The following DHRSX variants were observed in gnomAD, a reference collection of about 807,000 sequenced individuals.
DHRSX encodes dehydrogenase/reductase X-linked, also known as polyprenol dehydrogenase.
Under a neutral mutation model 34.0 loss-of-function variants are expected in DHRSX, and 31 were observed. The ratio of observed to expected loss-of-function variants is 0.91; its 90% CI spans 0.69 to 1.23. The LOEUF (loss-of-function observed/expected upper bound fraction) is 1.23, where lower values mean the gene tolerates loss of function less well. Among genes scored for constraint, DHRSX ranks in the 50% most tolerant of loss-of-function variants. The probability of loss-of-function intolerance (pLI) is 0.00; values close to 1 mark genes in which losing one functional copy is unlikely to be tolerated. For missense variants in DHRSX, 414 were observed against 428.1 expected, an observed-to-expected ratio of 0.97 and a Z score of 0.29; for synonymous variants, 201 against 183.8, an observed-to-expected ratio of 1.09 and a Z score of -0.76.
At chrX:2,449,186 T>C (rs1260184078) in intron 1 of DHRSX, among the ~76,000 whole-genome samples, 1 of 85,958 alleles carries the variant, frequency 1.2e-5, no homozygotes, top group East Asian at 2.2e-4. Context: ...TAAAACTCTG[T>C]CTCAAAAAAA....
intron 6 of DHRSX, among the ~76,000 whole-genome samples, chrX:2,231,516 C>A (rs2124409496): frequency 6.7e-6 from 1 of 149,210 alleles, no homozygotes; most frequent in East Asian, 2.0e-4. Context: ...CCTTCTCTTT[C>A]CCCCTTATCC....
intron 1 of DHRSX, chrX:2,487,340 CAT>C (rs2044967794): frequency 6.6e-6 from 1 of 151,986 alleles, no homozygotes; most frequent in Non-Finnish European, 1.5e-5. Flanking sequence ...ACACCGAAGA[CAT>C]AACCTCCGGA....
chrX:2,319,893 A>T (rs1256616896), intron 3 of DHRSX, among the ~76,000 whole-genome samples: 5 of 151,856 alleles, frequency 3.3e-5, no homozygotes, highest in African/African-American at 1.2e-4. Context: ...CGATGGCGTG[A>T]TCTCAGCTCA....
rs1442860758 is a variant in DHRSX, at chrX:2,255,930, A to G, written c.596+10810T>C. 1.3e-5 allele frequency among the ~76,000 whole-genome samples: 2 copies of G among 152,094 alleles called. 1 individual carries two copies. Among genetic ancestry groups the G allele is most frequent in the Non-Finnish European group, 2.9e-5 (2 of 68,020 alleles). ...AAAGCGAAACTCTGTCTCAAATAAA[A>G]TAAAATAAAACAAAACAAATTTAAG... On this transcript the variant is annotated intron_variant, in intron 5 of 6. Coordinates refer to ENST00000334651, the MANE Select transcript of DHRSX (RefSeq NM_145177.3).
intron 1 of DHRSX, among the ~76,000 whole-genome samples, chrX:2,456,873 G>C (rs753653763): frequency 1.3e-5 from 2 of 152,222 alleles, no homozygotes; most frequent in Non-Finnish European, 2.9e-5. Context: ...GTTCCAGAAA[G>C]CAAATGAAAC....
At chrX:2,394,350 C>A (rs1412136155) in intron 3 of DHRSX, among the ~76,000 whole-genome samples, 2 of 152,194 alleles carry the variant, frequency 1.3e-5, no homozygotes, top group African/African-American at 4.8e-5. Flanking sequence ...ATCGGCCCCA[C>A]CCACATGCTG....
chrX:2,345,676 C>A (rs762502751), intron 3 of DHRSX, among the ~76,000 whole-genome samples: 1 of 138,028 alleles, frequency 7.2e-6, no homozygotes, highest in Non-Finnish European at 1.5e-5. Context: ...AAAAAAAAAT[C>A]TAAATCAGTA....
At chrX:2,258,974 C>T (rs908148242) in intron 5 of DHRSX, among the ~76,000 whole-genome samples, 2 of 151,964 alleles carry the variant, frequency 1.3e-5, no homozygotes, top group Non-Finnish European at 1.5e-5. Context: ...TTGTAAGTCT[C>T]GAAAAAATAG....
chrX:2,442,621 A>G (rs749743926), intron 1 of DHRSX, among the ~76,000 whole-genome samples: 2 of 151,940 alleles, frequency 1.3e-5, no homozygotes, highest in Admixed American at 6.6e-5. Context: ...TACCCTTCCC[A>G]GTGCCACAGG....
At chrX:2,330,098 GAGGGA>G (rs2042442228) in intron 3 of DHRSX, among the ~76,000 whole-genome samples, 1 of 24,182 alleles carries the variant, frequency 4.1e-5, no homozygotes, top group Non-Finnish European at 7.8e-5. Context: ...GGGGGGGAGG[GAGGGA>G]GAGAGAGAGA....
intron 6 of DHRSX, among the ~76,000 whole-genome samples, chrX:2,224,533 G>A (rs757720206): frequency 1.3e-5 from 2 of 152,284 alleles, no homozygotes; most frequent in Admixed American, 6.5e-5. Flanking sequence ...TGCTGAAAAT[G>A]TAGGTATTTC....
intron 3 of DHRSX, among the ~76,000 whole-genome samples, chrX:2,353,722 T>C (rs1030648003): frequency 1.7e-4 from 26 of 150,900 alleles, no homozygotes; most frequent in Admixed American, 2.7e-4. Flanking sequence ...TAGGTGGGAC[T>C]ACAGGCATGC....
chrX:2,313,871 T>C (rs1446203497), intron 3 of DHRSX, among the ~76,000 whole-genome samples: 1 of 151,926 alleles, frequency 6.6e-6, no homozygotes, highest in Non-Finnish European at 1.5e-5. Flanking sequence ...CAGAAATACA[T>C]TGGTTTGGTT....
intron 5 of DHRSX, among the ~76,000 whole-genome samples, chrX:2,264,761 C>A (rs922156099): frequency 7.9e-5 from 12 of 151,648 alleles, no homozygotes; most frequent in Non-Finnish European, 1.6e-4. Flanking sequence ...GAGTACCGTG[C>A]CCAGAGCACC....
intron 3 of DHRSX, among the ~76,000 whole-genome samples, chrX:2,402,592 C>G (rs2043499672): frequency 6.6e-6 from 1 of 152,208 alleles, no homozygotes; most frequent in African/African-American, 2.4e-5. Flanking sequence ...ATGTCCCCAC[C>G]CAGCTGGGCC....
chrX:2,324,769 C>CTTT (rs570670358), intron 3 of DHRSX, among the ~76,000 whole-genome samples: 2,603 of 130,956 alleles, frequency 0.02, 103 homozygotes, highest in African/African-American at 0.071. Flanking sequence ...TTTTTCTTTT[C>CTTT]TTTTTTTTTT....
intron 6 of DHRSX, among the ~76,000 whole-genome samples, chrX:2,229,452 CTG>C (rs1455991636): frequency 1.3e-5 from 2 of 152,090 alleles, no homozygotes; most frequent in Admixed American, 6.6e-5. Context: ...TCTTGCCTCT[CTG>C]TACCTGCTGC....
chrX:2,345,958 G>A, intron 3 of DHRSX, among the ~76,000 whole-genome samples: 1 of 152,102 alleles, frequency 6.6e-6, no homozygotes, highest in Non-Finnish European at 1.5e-5. Context: ...CATCATATTG[G>A]TTCTATTTCT....
At chrX:2,451,948 T>G (rs1386374341) in intron 1 of DHRSX, among the ~76,000 whole-genome samples, 2 of 149,470 alleles carry the variant, frequency 1.3e-5, no homozygotes, top group South Asian at 4.3e-4. Flanking sequence ...CATGTACACA[T>G]TGAAGACATT....
Sources: allele counts gnomAD v4.1 joint callset (sites outside exome capture counted in the v4.1 genomes callset), GRCh38; gene constraint gnomAD v4.1.1; transcripts MANE v1.5; gene names NCBI Gene and HGNC (gene_info 2026-07-23, HGNC 2026-07-21).